Variants in WDR70 observed in about 807,000 individuals in gnomAD.
The protein encoded by WDR70 is WD repeat domain 70.
A neutral mutation model predicts 88.6 loss-of-function variants in WDR70; 53 were observed. The ratio of observed to expected loss-of-function variants is 0.60; its 90% CI spans 0.48 to 0.75. The LOEUF (loss-of-function observed/expected upper bound fraction) is 0.75. WDR70 is among the 30% of genes least tolerant of loss of function. The probability of loss-of-function intolerance (pLI) is 0.00; values close to 1 mark genes in which losing one functional copy is unlikely to be tolerated. For missense variants in WDR70, 610 were observed against 823.2 expected (o/e 0.74, Z 3.17); for synonymous variants, 280 against 270.0 (o/e 1.04, Z -0.36).
At chr5:37,583,899 C>T (rs1743291902) in intron 9 of WDR70, among the ~76,000 whole-genome samples, 1 of 152,052 alleles carries the variant, frequency 6.6e-6, no homozygotes, top group Admixed American at 6.5e-5. Flanking sequence ...TTGCAGTATT[C>T]TTCCTCAAGT....
chr5:37,484,607 A>C (rs983753082), intron 8 of WDR70, among the ~76,000 whole-genome samples: 17 of 152,212 alleles, frequency 1.1e-4, no homozygotes, highest in Admixed American at 2.0e-4. Flanking sequence ...CTCAGTTTTT[A>C]ATGTAAATAT....
intron 7 of WDR70, among the ~76,000 whole-genome samples, chr5:37,477,926 G>A (rs1163793513): frequency 1.3e-5 from 2 of 152,126 alleles, no homozygotes; most frequent in Admixed American, 6.6e-5. Context: ...TATCCCCTGG[G>A]ACTCTAAAGG....
intron 17 of WDR70, among the ~76,000 whole-genome samples, chr5:37,730,612 A>T (rs1036753729): frequency 6.6e-6 from 1 of 152,124 alleles, no homozygotes; most frequent in African/African-American, 2.4e-5. Context: ...AAGGATATTT[A>T]GGTTGTTTCA....
intron 9 of WDR70, among the ~76,000 whole-genome samples, chr5:37,582,001 T>A (rs1743231176): frequency 1.3e-5 from 2 of 152,218 alleles, no homozygotes; most frequent in African/African-American, 4.8e-5. Flanking sequence ...AGGGAAATGT[T>A]TGAAAACTTA....
intron 5 of WDR70, among the ~76,000 whole-genome samples, chr5:37,408,069 T>A (rs1168941037): frequency 6.6e-6 from 1 of 152,168 alleles, no homozygotes; most frequent in Non-Finnish European, 1.5e-5. Flanking sequence ...GTCCAGGATA[T>A]CTCAGATCTC....
intron 17 of WDR70, among the ~76,000 whole-genome samples, chr5:37,741,193 A>G (rs1748463412): frequency 1.3e-5 from 2 of 150,348 alleles, no homozygotes; most frequent in Admixed American, 6.6e-5. Context: ...TGTCCCAGGA[A>G]GGGGATTTGT....
rs536299945 is a variant in WDR70 at position 37,551,199 on chromosome 5, G to A, written c.917+34609G>A. 2.0e-5 allele frequency among the ~76,000 whole-genome samples: 3 copies of A among 152,076 alleles called. No individual in the cohort carries two copies. In the East Asian group the frequency reaches 5.8e-4, roughly 30 times the overall value. Reference sequence around the variant, plus strand: ...ACATGCCTGTAGTCCCAGCTGCTCAGGAGGCCGAGGCAGGAGAATCACTTG... The same window carrying A: ...ACATGCCTGTAGTCCCAGCTGCTCAAGAGGCCGAGGCAGGAGAATCACTTG... On this transcript the variant is annotated intron_variant, in intron 9 of 17. Transcript: ENST00000265107.
At chr5:37,731,952 C>G (rs1187633348) in intron 17 of WDR70, among the ~76,000 whole-genome samples, 1 of 151,210 alleles carries the variant, frequency 6.6e-6, no homozygotes, top group Non-Finnish European at 1.5e-5. Context: ...AGGAGCCTGG[C>G]CTTAGAATTT....
intron 10 of WDR70, among the ~76,000 whole-genome samples, chr5:37,653,041 G>C (rs947740237): frequency 6.6e-6 from 1 of 152,158 alleles, no homozygotes; most frequent in South Asian, 2.1e-4. Flanking sequence ...AATGCTTCCA[G>C]CTTTTTCCCG....
At chr5:37,750,843 A>G (rs1748785988) in intron 17 of WDR70, among the ~76,000 whole-genome samples, 1 of 152,232 alleles carries the variant, frequency 6.6e-6, no homozygotes. Context: ...AGTCTCAGAT[A>G]TGTCTTTATT....
intron 10 of WDR70, among the ~76,000 whole-genome samples, chr5:37,664,652 C>A (rs957058189): frequency 6.6e-6 from 1 of 151,972 alleles, no homozygotes; most frequent in African/African-American, 2.4e-5. Flanking sequence ...TTTTTTTGTA[C>A]AATTTATTGT....
intron 5 of WDR70, among the ~76,000 whole-genome samples, chr5:37,412,158 G>A (rs1301627849): frequency 5.3e-5 from 8 of 152,158 alleles, no homozygotes; most frequent in East Asian, 1.9e-4. Context: ...AGGCTGAGGC[G>A]GGCAGATCAT....
chr5:37,437,864 G>A (rs1264535324), intron 5 of WDR70, 58 bp from the exon 6 acceptor site: 3 of 1,505,734 alleles, frequency 2.0e-6, no homozygotes, highest in Admixed American at 3.8e-5. Context: ...AATGTGTTGT[G>A]TAGTTCCCCA....
chr5:37,573,798 C>T (rs2112410212), intron 9 of WDR70, among the ~76,000 whole-genome samples: 1 of 152,250 alleles, frequency 6.6e-6, no homozygotes, highest in African/African-American at 2.4e-5. Context: ...ACTGAAATTA[C>T]CCTCTTCAGG....
chr5:37,491,026 G>A (rs1204398811), intron 8 of WDR70, among the ~76,000 whole-genome samples: 1 of 152,122 alleles, frequency 6.6e-6, no homozygotes, highest in Non-Finnish European at 1.5e-5. Flanking sequence ...GTTTCCAGGT[G>A]TGCGTGGAAC....
Position 37,499,587 on chromosome 5 carries a change from T to TTTTCTCTCTCTCTCTCTCTTTTTCTCTC in WDR70, c.841-16926_841-16925insTTCTCTCTCTCTCTCTCTTTTTCTCTCT, listed in dbSNP as rs1554144047. Among the ~76,000 whole-genome samples the TTTTCTCTCTCTCTCTCTCTTTTTCTCTC allele has an allele frequency of 1.1e-3, 45 of 41,864 alleles. 2 individuals carry two copies. Among genetic ancestry groups the TTTTCTCTCTCTCTCTCTCTTTTTCTCTC allele is most frequent in the African/African-American group, 2.5e-3 (43 of 17,016 alleles). The allele number at this position is 41,864 out of a possible 152,430, so 27.5% of individuals were successfully genotyped here. ...TTTTTAAATATGTGATTTGGAAATA[T>TTTTCTCTCTCTCTCTCTCTTTTTCTCTC]TCTCTCTCTCTCTCTCTCTCTCTCT... On this transcript the variant is annotated intron_variant, in intron 8 of 17. Coordinates refer to ENST00000265107, the MANE Select transcript of WDR70 (RefSeq NM_018034.4).
At chr5:37,390,935 C>A (rs538198896) in intron 3 of WDR70, among the ~76,000 whole-genome samples, 1 of 151,936 alleles carries the variant, frequency 6.6e-6, no homozygotes, top group Non-Finnish European at 1.5e-5. Context: ...AGGCTGGTCT[C>A]GAACTCCTGA....
Position 37,469,653 on chromosome 5 carries a change from TAA to T in WDR70, c.687-10179_687-10178del, listed in dbSNP as rs989539760. ...AAGCAGAGTTGGGAGCAGCAGATGCTAAAGAGTAGTTGCTGTAGTTACTCTTT... is the reference window on the plus strand; with the variant it reads ...AAGCAGAGTTGGGAGCAGCAGATGCTAGAGTAGTTGCTGTAGTTACTCTTT... On this transcript the variant is annotated intron_variant, in intron 7 of 17. Transcript: ENST00000265107. Among the ~76,000 whole-genome samples, 229 of 152,330 alleles carry T rather than the reference TAA, an allele frequency of 1.5e-3. 1 individual carries two copies. Among genetic ancestry groups the T allele is most frequent in the African/African-American group, 5.2e-3 (216 of 41,576 alleles).
intron 5 of WDR70, among the ~76,000 whole-genome samples, chr5:37,404,914 T>C (rs1438406293): frequency 2.6e-5 from 4 of 152,140 alleles, no homozygotes; most frequent in Non-Finnish European, 5.9e-5. Context: ...TTAGTACTTA[T>C]AATTGTGGTT....
Sources: gnomAD v4.1 joint callset for allele counts (sites outside exome capture counted in the v4.1 genomes callset) on GRCh38, gnomAD v4.1.1 for gene constraint, MANE v1.5 for transcripts, NCBI Gene and HGNC (gene_info 2026-07-23, HGNC 2026-07-21) for gene names.